AHCYL2: variants seen among roughly 807,000 people sequenced by gnomAD.
AHCYL2 encodes the protein S-adenosylhomocysteine hydrolase-like protein 2.
AHCYL2 carries 28 observed loss-of-function variants against 81.4 expected under a neutral mutation model. The ratio of observed to expected loss-of-function variants is 0.34; its 90% CI spans 0.25 to 0.47. AHCYL2 has a LOEUF of 0.47. Ranked by LOEUF, AHCYL2 falls within the 20% of genes least tolerant of loss-of-function variation. The probability of loss-of-function intolerance (pLI) is 1.00; values close to 1 mark genes in which losing one functional copy is unlikely to be tolerated. For synonymous variants in AHCYL2, 272 were observed against 290.2 expected (o/e 0.94, Z 0.64); for missense variants, 551 against 785.1 (o/e 0.70, Z 3.56).
intron 1 of AHCYL2, among the ~76,000 whole-genome samples, chr7:129,375,485 C>A (rs1215213181): frequency 6.6e-6 from 1 of 152,064 alleles, no homozygotes; most frequent in South Asian, 2.1e-4. Flanking sequence ...TTAATTATAG[C>A]GAGCAAAAAA....
intron 3 of AHCYL2, among the ~76,000 whole-genome samples, chr7:129,389,432 T>C (rs1795361974): frequency 6.8e-6 from 1 of 146,732 alleles, no homozygotes; most frequent in South Asian, 2.2e-4. Flanking sequence ...GACTGGAATA[T>C]AGAGAATCAG....
intron 1 of AHCYL2, among the ~76,000 whole-genome samples, chr7:129,238,489 A>G (rs1174920420): frequency 1.3e-5 from 2 of 152,208 alleles, no homozygotes; most frequent in East Asian, 1.9e-4. Flanking sequence ...TGCTAGAGTT[A>G]TAAGTTAGCA....
Position 129,270,855 on chromosome 7 carries a change from ATT to A in AHCYL2, c.363+45418_363+45419del, listed in dbSNP as rs199979135. Among the ~76,000 whole-genome samples, 457 of 152,318 alleles carry A rather than the reference ATT, an allele frequency of 3.0e-3. 10 individuals are homozygous for A. The highest frequency in any genetic ancestry group is 0.021 in the Admixed American group (328 of 15,300). On this transcript the variant is annotated intron_variant, in intron 1 of 16. Transcript: ENST00000325006. Reference sequence around the variant, plus strand: ...TTAGGTGAGAAAGGTTTCTCTGAGAATTTGTTACCTGGGGTTGTCTTCACATA... The same window carrying A: ...TTAGGTGAGAAAGGTTTCTCTGAGAATGTTACCTGGGGTTGTCTTCACATA...
intron 12 of AHCYL2, among the ~76,000 whole-genome samples, chr7:129,414,420 CTTTTTT>C (rs10653631): frequency 8.0e-6 from 1 of 125,474 alleles, no homozygotes; most frequent in Non-Finnish European, 1.6e-5. Flanking sequence ...AATGTTGTTT[CTTTTTT>C]TTTTTTTTTT....
intron 1 of AHCYL2, among the ~76,000 whole-genome samples, chr7:129,255,167 A>G (rs1269281478): frequency 6.6e-6 from 1 of 152,132 alleles, no homozygotes; most frequent in Non-Finnish European, 1.5e-5. Flanking sequence ...AGGCTGAGGC[A>G]GGAGAATCGC....
At chr7:129,270,454 CT>C (rs1171047871) in intron 1 of AHCYL2, among the ~76,000 whole-genome samples, 1 of 152,110 alleles carries the variant, frequency 6.6e-6, no homozygotes, top group Non-Finnish European at 1.5e-5. Flanking sequence ...CTTCCCCCTC[CT>C]TGTTATATGT....
intron 1 of AHCYL2, among the ~76,000 whole-genome samples, chr7:129,262,882 G>T (rs1206565730): frequency 6.6e-6 from 1 of 152,132 alleles, no homozygotes; most frequent in South Asian, 2.1e-4. Context: ...AAAATGGAGG[G>T]TAAAGGCTAC....
chr7:129,359,778 C>G (rs1056150468), intron 1 of AHCYL2, among the ~76,000 whole-genome samples: 1 of 152,076 alleles, frequency 6.6e-6, no homozygotes, highest in Non-Finnish European at 1.5e-5. Flanking sequence ...TCTAATTAGC[C>G]GGGTCAGGGA....
chr7:129,356,143 G>C (rs1285820560), intron 1 of AHCYL2, among the ~76,000 whole-genome samples: 3 of 152,006 alleles, frequency 2.0e-5, no homozygotes, highest in Non-Finnish European at 4.4e-5. Context: ...TCTCAAATTT[G>C]TTCCTTCTTT....
chr7:129,290,245 T>C (rs984741387), intron 1 of AHCYL2, among the ~76,000 whole-genome samples: 7 of 152,150 alleles, frequency 4.6e-5, no homozygotes, highest in African/African-American at 1.7e-4. Context: ...GGCTCATGCC[T>C]GTAATCCCAG....
intron 2 of AHCYL2, among the ~76,000 whole-genome samples, chr7:129,386,162 C>T (rs545974261): frequency 2.2e-4 from 33 of 151,848 alleles, no homozygotes; most frequent in Non-Finnish European, 2.2e-4. Flanking sequence ...ATAGCAGGTC[C>T]GTATAAAGGG....
At chr7:129,359,258 TTA>T (rs1432370669) in intron 1 of AHCYL2, among the ~76,000 whole-genome samples, 1 of 152,176 alleles carries the variant, frequency 6.6e-6, no homozygotes, top group African/African-American at 2.4e-5. Flanking sequence ...CTTAAATATT[TTA>T]TGATGTTTAT....
At chr7:129,365,018 A>G (rs1474152601) in intron 1 of AHCYL2, among the ~76,000 whole-genome samples, 1 of 152,192 alleles carries the variant, frequency 6.6e-6, no homozygotes. Context: ...TACAGCATAC[A>G]TAAATTTTAA....
intron 1 of AHCYL2, among the ~76,000 whole-genome samples, chr7:129,344,560 T>G (rs1281785544): frequency 6.6e-6 from 1 of 152,094 alleles, no homozygotes; most frequent in Non-Finnish European, 1.5e-5. Context: ...ACAGAACAGA[T>G]CAGTGGTTGC....
intron 1 of AHCYL2, among the ~76,000 whole-genome samples, chr7:129,234,132 C>A (rs1476804738): frequency 6.6e-6 from 1 of 151,998 alleles, no homozygotes; most frequent in Non-Finnish European, 1.5e-5. Context: ...CTCATTGCAC[C>A]CTCAACCTCC....
intron 3 of AHCYL2, 54 bp from the exon 4 acceptor site, chr7:129,389,580 T>A: frequency 7.0e-7 from 1 of 1,426,918 alleles, no homozygotes; most frequent in Non-Finnish European, 9.7e-7. Flanking sequence ...TGTTTGTTCT[T>A]TTATCTCTTA....
chr7:129,341,648 G>A (rs1432012330), intron 1 of AHCYL2, among the ~76,000 whole-genome samples: 2 of 152,198 alleles, frequency 1.3e-5, no homozygotes, highest in Non-Finnish European at 2.9e-5. Context: ...GCAGGGTGGT[G>A]ATGGAGGTGG....
chr7:129,249,527 G>C (rs1175817389), intron 1 of AHCYL2, among the ~76,000 whole-genome samples: 1 of 151,880 alleles, frequency 6.6e-6, no homozygotes, highest in African/African-American at 2.4e-5. Flanking sequence ...CCGGGTTCAC[G>C]CCATTCTCCT....
intron 1 of AHCYL2, among the ~76,000 whole-genome samples, chr7:129,314,841 A>G (rs1349066127): frequency 1.3e-5 from 2 of 152,218 alleles, no homozygotes; most frequent in African/African-American, 4.8e-5. Flanking sequence ...ATAAGGTTCT[A>G]GAAGCCACAA....
Sources: gnomAD v4.1 joint callset for allele counts (sites outside exome capture counted in the v4.1 genomes callset) on GRCh38, gnomAD v4.1.1 for gene constraint, MANE v1.5 for transcripts, NCBI Gene and HGNC (gene_info 2026-07-23, HGNC 2026-07-21) for gene names.